The following DAB2 variants were observed in gnomAD, a reference collection of about 807,000 sequenced individuals.
The protein encoded by DAB2 is disabled homolog 2.
Under a neutral mutation model 71.6 loss-of-function variants are expected in DAB2, and 28 were observed. The ratio of observed to expected loss-of-function variants is 0.39; its 90% CI spans 0.29 to 0.54. The LOEUF (loss-of-function observed/expected upper bound fraction) is 0.54. DAB2 is among the 20% of genes least tolerant of loss of function. The pLI is 0.68. For synonymous variants in DAB2, 345 were observed against 339.7 expected (o/e 1.02, Z -0.17); for missense variants, 867 against 928.8 (o/e 0.93, Z 0.86).
intron 1 of DAB2, among the ~76,000 whole-genome samples, chr5:39,412,328 T>C (rs565745525): frequency 1.4e-4 from 21 of 152,268 alleles, no homozygotes; most frequent in African/African-American, 5.1e-4. Flanking sequence ...GTCTGGTGAT[T>C]GATCCCAACT....
At position 39,398,307 on chromosome 5, in the gene DAB2, C is replaced by A. The variant is rs116245459; in HGVS notation, c.-101-3886G>T. On this transcript the variant is annotated intron_variant, in intron 1 of 14. Transcript: ENST00000320816. The stretch of plus-strand genomic sequence containing the variant: ...AGGTATCGAATCTAGCGTTGGCAGA[C>A]TGGGCCAAATGGAAGGATTCTAAGG... Among the ~76,000 whole-genome samples the A allele has an allele frequency of 7.3e-3, 1,115 of 152,256 alleles. 10 individuals are homozygous for A. Among genetic ancestry groups the A allele is most frequent in the South Asian group, 0.014 (67 of 4,830 alleles).
chr5:39,403,706 T>A (rs890237391), intron 1 of DAB2, among the ~76,000 whole-genome samples: 8 of 147,286 alleles, frequency 5.4e-5, no homozygotes, highest in African/African-American at 2.1e-4. Flanking sequence ...TTAGTTTTAG[T>A]TTTTTTGGAA....
At chr5:39,384,912 C>T (rs914464427) in intron 9 of DAB2, among the ~76,000 whole-genome samples, 11 of 151,880 alleles carry the variant, frequency 7.2e-5, no homozygotes, top group African/African-American at 2.7e-4. Context: ...AAATAAACAA[C>T]TTCAAGGGAA....
intron 13 of DAB2, among the ~76,000 whole-genome samples, 175 bp downstream of exon 13, chr5:39,375,822 G>A (rs1029684793): frequency 6.6e-6 from 1 of 152,160 alleles, no homozygotes; most frequent in Non-Finnish European, 1.5e-5. Flanking sequence ...GGAAGTGGAG[G>A]TTGCAGTGAG....
At chr5:39,401,245 G>C (rs1755489567) in intron 1 of DAB2, among the ~76,000 whole-genome samples, 1 of 152,172 alleles carries the variant, frequency 6.6e-6, no homozygotes, top group Non-Finnish European at 1.5e-5. Context: ...TGTAAATGCT[G>C]ACACTACTGT....
At chr5:39,388,165 T>C in intron 9 of DAB2, 140 bp downstream of exon 9, 1 of 658,906 alleles carries the variant, frequency 1.5e-6, no homozygotes, top group East Asian at 2.6e-5. Flanking sequence ...ACATTTATTC[T>C]AAAAACCATT....
chr5:39,403,900 T>A (rs1755554153), intron 1 of DAB2, among the ~76,000 whole-genome samples: 1 of 151,986 alleles, frequency 6.6e-6, no homozygotes, highest in African/African-American at 2.4e-5. Context: ...CTCCTTGCGA[T>A]AGTTTGCTGA....
intron 1 of DAB2, among the ~76,000 whole-genome samples, chr5:39,407,551 C>T (rs925676039): frequency 9.9e-5 from 15 of 152,182 alleles, no homozygotes; most frequent in Admixed American, 8.5e-4. Flanking sequence ...GCAGTTTGTT[C>T]CTAGAATATA....
At chr5:39,410,894 T>C (rs1339744845) in intron 1 of DAB2, among the ~76,000 whole-genome samples, 1 of 152,168 alleles carries the variant, frequency 6.6e-6, no homozygotes, top group Non-Finnish European at 1.5e-5. Context: ...TCACTAAAAT[T>C]TATCATTTAC....
At chr5:39,399,824 C>T (rs1174368011) in intron 1 of DAB2, among the ~76,000 whole-genome samples, 1 of 152,174 alleles carries the variant, frequency 6.6e-6, no homozygotes, top group Non-Finnish European at 1.5e-5. Flanking sequence ...CCTTCAATTG[C>T]CAGCATGGTG....
chr5:39,373,999 G>C (rs1754759027), intron 14 of DAB2, among the ~76,000 whole-genome samples: 1 of 152,134 alleles, frequency 6.6e-6, no homozygotes. Flanking sequence ...CTCTGAAGCA[G>C]TTTATGGAAA....
At chr5:39,378,568 T>A (rs1016587772) in intron 11 of DAB2, among the ~76,000 whole-genome samples, 13 of 152,262 alleles carry the variant, frequency 8.5e-5, no homozygotes, top group African/African-American at 2.9e-4. Context: ...CCTGACTCCA[T>A]TCTCATCATG....
intron 1 of DAB2, among the ~76,000 whole-genome samples, chr5:39,412,436 T>C (rs1333276184): frequency 3.3e-5 from 5 of 152,164 alleles, no homozygotes; most frequent in Admixed American, 6.5e-5. Context: ...ACTGCATCCC[T>C]ACTAAGTGCC....
intron 3 of DAB2, 134 bp from the exon 4 acceptor site, chr5:39,392,597 T>C: frequency 1.5e-6 from 1 of 658,030 alleles, no homozygotes; most frequent in Non-Finnish European, 2.6e-6. Context: ...TCGGCACTTT[T>C]CATCCGGGAC....
At chr5:39,418,950 G>C (rs1755910398) in intron 1 of DAB2, among the ~76,000 whole-genome samples, 1 of 152,212 alleles carries the variant, frequency 6.6e-6, no homozygotes, top group Non-Finnish European at 1.5e-5. Flanking sequence ...TATATAGCTT[G>C]TCTTACATGG....
intron 8 of DAB2, 138 bp downstream of exon 8, chr5:39,388,661 C>T (rs180683798): frequency 1.5e-5 from 11 of 718,848 alleles, no homozygotes; most frequent in Non-Finnish European, 2.1e-5. Context: ...AGATGTTACA[C>T]TAATATTTTG....
At chr5:39,401,749 A>ATTTATTTG (rs1755503310) in intron 1 of DAB2, among the ~76,000 whole-genome samples, 2 of 149,118 alleles carry the variant, frequency 1.3e-5, no homozygotes, top group African/African-American at 4.9e-5. Context: ...TTATTTATTT[A>ATTTATTTG]TTTATTTATT....
At chr5:39,397,260 C>T (rs186948223) in intron 1 of DAB2, among the ~76,000 whole-genome samples, 112 of 152,320 alleles carry the variant, frequency 7.4e-4, no homozygotes, top group Non-Finnish European at 1.3e-3. Flanking sequence ...ATACTCTCTC[C>T]AGGCCAACAG....
chr5:39,400,644 A>G (rs1439170452), intron 1 of DAB2, among the ~76,000 whole-genome samples: 2 of 152,144 alleles, frequency 1.3e-5, no homozygotes, highest in Non-Finnish European at 2.9e-5. Flanking sequence ...TCTCTTATAT[A>G]TACTGTCTCT....
Sources: allele counts gnomAD v4.1 joint callset (sites outside exome capture counted in the v4.1 genomes callset), GRCh38; gene constraint gnomAD v4.1.1; transcripts MANE v1.5; gene names NCBI Gene and HGNC (gene_info 2026-07-23, HGNC 2026-07-21).